ZNF146: variants seen among roughly 807,000 people sequenced by gnomAD.
ZNF146 encodes the protein zinc finger protein OZF.
A neutral mutation model predicts 22.2 loss-of-function variants in ZNF146; 9 were observed. The ratio of observed to expected loss-of-function variants is 0.41; its 90% CI spans 0.24 to 0.71. ZNF146 has a LOEUF of 0.71. Among genes scored for constraint, ZNF146 ranks in the 30% least tolerant of loss-of-function variants. The probability of loss-of-function intolerance (pLI) is 0.34; values close to 1 mark genes in which losing one functional copy is unlikely to be tolerated. For synonymous variants in ZNF146, 108 were observed against 119.2 expected (o/e 0.91, Z 0.61); for missense variants, 194 against 344.8 (o/e 0.56, Z 3.46).
At chr19:36,216,365 G>C (rs565194381) in intron 1 of ZNF146, among the ~76,000 whole-genome samples, 1 of 152,260 alleles carries the variant, frequency 6.6e-6, no homozygotes, top group Non-Finnish European at 1.5e-5. Context: ...TCTTGGTCGG[G>C]TGCGGTGGCT....
At chr19:36,225,775 T>TG (rs1163840557) in intron 2 of ZNF146, among the ~76,000 whole-genome samples, 1 of 146,714 alleles carries the variant, frequency 6.8e-6, no homozygotes, top group Non-Finnish European at 1.5e-5. Context: ...TTTTTTTTTT[T>TG]TTTGAGACAG....
intron 2 of ZNF146, among the ~76,000 whole-genome samples, chr19:36,221,960 C>T (rs548564848): frequency 4.1e-4 from 51 of 125,676 alleles, no homozygotes; most frequent in Non-Finnish European, 6.8e-4. Flanking sequence ...GAAATAGTCT[C>T]GCTCTGTCAC....
Position 36,220,278 on chromosome 19 carries a change from C to T in ZNF146, c.-855+2083C>T, listed in dbSNP as rs190939281. On this transcript the variant is annotated intron_variant, in intron 2 of 3. Coordinates refer to ENST00000443387, the MANE Select transcript of ZNF146 (RefSeq NM_007145.3). ...ACATTTTTAATGTATTTTTAAAAAT[C>T]ATGAGTCCATATTCGTATTTCTAAT... 1.1e-3 allele frequency among the ~76,000 whole-genome samples: 160 copies of T among 151,954 alleles called. 2 individuals carry two copies. Among genetic ancestry groups the T allele is most frequent in the African/African-American group, 3.7e-3 (155 of 41,502 alleles).
intron 3 of ZNF146, among the ~76,000 whole-genome samples, chr19:36,231,144 C>CT (rs1977346101): frequency 6.6e-6 from 1 of 152,188 alleles, no homozygotes; most frequent in South Asian, 2.1e-4. Context: ...AGGTGTATCA[C>CT]TTGAGGCCAG....
At chr19:36,226,768 C>T (rs989532460) in intron 2 of ZNF146, among the ~76,000 whole-genome samples, 16 of 152,240 alleles carry the variant, frequency 1.1e-4, no homozygotes, top group Admixed American at 7.9e-4. Context: ...TCAGTCATCC[C>T]AATAATGTCT....
At position 36,233,946 on chromosome 19, in the gene ZNF146, C is replaced by T. The variant is rs190732179; in HGVS notation, c.-782-1713C>T. Among the ~76,000 whole-genome samples the T allele has an allele frequency of 4.3e-3, 637 of 147,528 alleles. 3 individuals are homozygous for T. Among genetic ancestry groups the T allele is most frequent in the Middle Eastern group, 0.017 (5 of 288 alleles). ...CGGACTGGGGGACGGTCAGGTCTTT[C>T]CCTTCCCGCGGGGCCATATTTCAGA... On this transcript the variant is annotated intron_variant, in intron 3 of 3. Transcript: ENST00000443387.
chr19:36,232,125 C>T (rs1330639326), intron 3 of ZNF146, among the ~76,000 whole-genome samples: 2 of 150,388 alleles, frequency 1.3e-5, no homozygotes, highest in Non-Finnish European at 2.9e-5. Flanking sequence ...ATCGGTTGAA[C>T]CTGGGAGGCG....
intron 2 of ZNF146, among the ~76,000 whole-genome samples, chr19:36,221,322 TCTGTCCC>T (rs1342384763): frequency 1.6e-5 from 2 of 126,060 alleles, no homozygotes; most frequent in African/African-American, 3.1e-5. Flanking sequence ...GGAGTCTCAC[TCTGTCCC>T]CTAGGCTGGA....
intron 3 of ZNF146, among the ~76,000 whole-genome samples, chr19:36,229,238 C>G (rs562265051): frequency 6.6e-6 from 1 of 152,208 alleles, no homozygotes; most frequent in Non-Finnish European, 1.5e-5. Flanking sequence ...ATATTTTACA[C>G]CTGTTCTCAC....
intron 2 of ZNF146, among the ~76,000 whole-genome samples, chr19:36,223,068 A>G (rs1351995114): frequency 6.6e-6 from 1 of 151,872 alleles, no homozygotes; most frequent in African/African-American, 2.4e-5. Context: ...CAGACTCCCA[A>G]GTAGCGGGGA....
In ZNF146 at chr19:36,230,792, C is replaced by G. The variant is rs576162159; in HGVS notation, c.-783+1973C>G. Among the ~76,000 whole-genome samples, 3 of 152,044 alleles carry G rather than the reference C, an allele frequency of 2.0e-5. No individual in the cohort carries two copies. The East Asian group carries it at 5.8e-4, about 29-fold the overall frequency. ...TTGGGAGACCCAACAGAGGGCCAGC[C>G]TTCCTTCCTTTTCCTTTTCCTTTTT... On this transcript the variant is annotated intron_variant, in intron 3 of 3. Transcript: ENST00000443387.
rs563969096 is a variant in ZNF146, at chr19:36,225,286, G to A, written c.-854-3462G>A. On this transcript the variant is annotated intron_variant, in intron 2 of 3. Transcript: ENST00000443387. ...GGAAACAACAATCCCTCAAAATTTCGTTATTGCATCCTTAAACAAAAAATC... is the reference window on the plus strand; with the variant it reads ...GGAAACAACAATCCCTCAAAATTTCATTATTGCATCCTTAAACAAAAAATC... 3.3e-5 allele frequency among the ~76,000 whole-genome samples: 5 copies of A among 152,216 alleles called. No homozygotes were observed. The East Asian group carries it at 7.7e-4, about 23-fold the overall frequency.
chr19:36,217,293 C>T (rs1162468557), intron 1 of ZNF146, among the ~76,000 whole-genome samples: 7 of 151,570 alleles, frequency 4.6e-5, no homozygotes, highest in Non-Finnish European at 1.5e-5. Context: ...GAACTCTTGA[C>T]CTCAAGTGAT....
intron 2 of ZNF146, among the ~76,000 whole-genome samples, chr19:36,227,389 CA>C (rs35503795): frequency 0.28 from 30,152 of 106,658 alleles, 3,162 homozygotes; most frequent in African/African-American, 0.33. Context: ...GTCTCTGTCA[CA>C]AAAAAAAAAA....
intron 3 of ZNF146, among the ~76,000 whole-genome samples, chr19:36,235,234 T>TGAA (rs1000757941): frequency 6.8e-5 from 10 of 147,128 alleles, no homozygotes; most frequent in Admixed American, 6.7e-4. Context: ...GAAAGAAAGA[T>TGAA]GAACATTATT....
At chr19:36,220,578 A>G (rs972250405) in intron 2 of ZNF146, among the ~76,000 whole-genome samples, 1 of 152,062 alleles carries the variant, frequency 6.6e-6, no homozygotes, top group Admixed American at 6.6e-5. Context: ...GTTAGCCAGG[A>G]TGGTCTCGAT....
rs147679837 is a variant in ZNF146 at position 36,226,595 on chromosome 19, G to A, written c.-854-2153G>A. Among the ~76,000 whole-genome samples the A allele has an allele frequency of 1.7e-3, 257 of 151,920 alleles. 1 individual carries two copies. The highest frequency in any genetic ancestry group is 5.9e-3 in the African/African-American group (246 of 41,420). ...ATGATTTTTTTTTCCTGAACGATTT[G>A]AAACCAGTTGTGGACATGCTTCCTT... is the stretch of plus-strand genomic sequence containing the variant. On this transcript the variant is annotated intron_variant, in intron 2 of 3. Coordinates refer to ENST00000443387, the MANE Select transcript of ZNF146 (RefSeq NM_007145.3).
chr19:36,237,031 A>T lies in ZNF146; in HGVS notation c.591A>T (p.Thr197=). The change falls in exon 4 of 4, where the codon ACA becomes ACT. Residue 197 remains threonine, a synonymous_variant. Transcript: ENST00000443387. ...NECGKAFSQR[T]SLIVHVRIHS... is the part of the protein sequence containing the mutation. ...GTGGAAAAGCCTTCTCTCAGCGAAC[A>T]TCACTTATTGTACATGTGAGGATTC... The T allele has an allele frequency of 6.2e-7, 1 of 1,614,200 alleles. No homozygotes were observed. The highest frequency in any genetic ancestry group is 8.5e-7 in the Non-Finnish European group (1 of 1,180,026).
chr19:36,234,723 AG>A (rs1977571682), intron 3 of ZNF146, among the ~76,000 whole-genome samples: 1 of 152,208 alleles, frequency 6.6e-6, no homozygotes, highest in African/African-American at 2.4e-5. Flanking sequence ...CTTCAGCTGC[AG>A]AATGGTGCTG....
Sources: allele counts gnomAD v4.1 joint callset (sites outside exome capture counted in the v4.1 genomes callset), GRCh38; gene constraint gnomAD v4.1.1; transcripts MANE v1.5; gene names NCBI Gene and HGNC (gene_info 2026-07-23, HGNC 2026-07-21).